Variants in CNTN5 observed in about 807,000 individuals in gnomAD.
CNTN5 encodes contactin 5, also known as contactin-5.
Under a neutral mutation model 129.1 loss-of-function variants are expected in CNTN5, and 77 were observed. That is an observed-to-expected ratio of 0.60 (90% confidence interval 0.50 to 0.72). CNTN5 has a LOEUF of 0.72. Ranked by LOEUF, CNTN5 falls within the 30% of genes least tolerant of loss-of-function variation. The probability of loss-of-function intolerance (pLI) is 0.00; values close to 1 mark genes in which losing one functional copy is unlikely to be tolerated. For synonymous variants in CNTN5, 509 were observed against 465.6 expected (o/e 1.09, Z -1.20); for missense variants, 1,478 against 1,328.8 (o/e 1.11, Z -1.75).
At position 100,283,658 on chromosome 11, in the gene CNTN5, C is replaced by A. The variant is rs573382461; in HGVS notation, c.2314+12417C>A. Among the ~76,000 whole-genome samples the A allele has an allele frequency of 1.5e-4, 23 of 152,194 alleles. No individual in the cohort carries two copies. In the South Asian group the frequency reaches 4.8e-3, roughly 32 times the overall value. ...CTGGCTAGGGATGGTTTAAATATTC[C>A]CTCCGGGCCGGGCGCTGTGGCTCAC... On this transcript the variant is annotated intron_variant, in intron 18 of 24. Coordinates refer to ENST00000524871, the MANE Select transcript of CNTN5 (RefSeq NM_014361.4).
At chr11:99,806,344 G>T (rs1203775534) in intron 3 of CNTN5, among the ~76,000 whole-genome samples, 1 of 152,098 alleles carries the variant, frequency 6.6e-6, no homozygotes, top group African/African-American at 2.4e-5. Flanking sequence ...AATAAATGAA[G>T]TGTGTCAGCT....
chr11:99,742,088 A>G (rs1480911501), intron 3 of CNTN5, among the ~76,000 whole-genome samples: 1 of 152,196 alleles, frequency 6.6e-6, no homozygotes, highest in East Asian at 1.9e-4. Flanking sequence ...GCAACAACAT[A>G]AAGATTAGTC....
At chr11:100,100,960 C>T (rs938491308) in intron 13 of CNTN5, among the ~76,000 whole-genome samples, 11 of 152,048 alleles carry the variant, frequency 7.2e-5, no homozygotes, top group Non-Finnish European at 1.3e-4. Flanking sequence ...ACAATATCTA[C>T]AAATTATCGA....
At chr11:99,751,878 A>G (rs1944247977) in intron 3 of CNTN5, among the ~76,000 whole-genome samples, 1 of 152,158 alleles carries the variant, frequency 6.6e-6, no homozygotes, top group African/African-American at 2.4e-5. Flanking sequence ...ATTATAAAAG[A>G]GGCTTCACAT....
chr11:100,297,306 G>C (rs1033704274), intron 18 of CNTN5, among the ~76,000 whole-genome samples: 3 of 151,284 alleles, frequency 2.0e-5, no homozygotes, highest in African/African-American at 7.3e-5. Flanking sequence ...TAGCAAAGAG[G>C]ATAACAGTGA....
At chr11:99,984,894 C>T (rs1938574856) in intron 8 of CNTN5, among the ~76,000 whole-genome samples, 1 of 152,114 alleles carries the variant, frequency 6.6e-6, no homozygotes, top group African/African-American at 2.4e-5. Flanking sequence ...GTTTACTCGG[C>T]CCACTGTGCT....
chr11:99,197,515 A>G (rs1858963930), intron 1 of CNTN5, among the ~76,000 whole-genome samples: 1 of 152,076 alleles, frequency 6.6e-6, no homozygotes, highest in Non-Finnish European at 1.5e-5. Context: ...TACATGAAAT[A>G]AAGCAAATCA....
chr11:99,641,416 TCCC>T (rs936822814), intron 3 of CNTN5, among the ~76,000 whole-genome samples: 7 of 138,752 alleles, frequency 5.0e-5, no homozygotes, highest in South Asian at 4.7e-4. Flanking sequence ...CCAATCCTCC[TCCC>T]GGCCTGGTTC....
intron 18 of CNTN5, among the ~76,000 whole-genome samples, chr11:100,291,722 G>A (rs1208658769): frequency 2.0e-5 from 3 of 148,808 alleles, no homozygotes; most frequent in African/African-American, 2.5e-5. Flanking sequence ...TGCACAATGT[G>A]CACATGTACC....
chr11:99,393,701 T>C (rs2136193157), intron 2 of CNTN5, among the ~76,000 whole-genome samples: 1 of 151,960 alleles, frequency 6.6e-6, no homozygotes, highest in Admixed American at 6.6e-5. Flanking sequence ...GTTCCTTAAA[T>C]ATTATGGTTG....
At chr11:99,906,296 T>C (rs935867818) in intron 6 of CNTN5, among the ~76,000 whole-genome samples, 6 of 152,198 alleles carry the variant, frequency 3.9e-5, no homozygotes, top group African/African-American at 1.4e-4. Context: ...TCTTATTATT[T>C]TGAGATAAGT....
In CNTN5 at chr11:100,033,087, C is replaced by A. The variant is rs368389395; in HGVS notation, c.981-28125C>A. Among the ~76,000 whole-genome samples, 38 of 152,026 alleles carry A rather than the reference C, an allele frequency of 2.5e-4. No homozygotes were observed. The East Asian group carries it at 6.0e-3, about 24-fold the overall frequency. Reference sequence around the variant, plus strand: ...TTGTGGTATTTCTGTAAGAAAGACTCTTTTTCTATGTAATTTTTAATTTAA... The same window carrying A: ...TTGTGGTATTTCTGTAAGAAAGACTATTTTTCTATGTAATTTTTAATTTAA... On this transcript the variant is annotated intron_variant, in intron 9 of 24. Transcript: ENST00000524871.
chr11:100,283,952 A>T (rs1323220758), intron 18 of CNTN5, among the ~76,000 whole-genome samples: 2 of 152,268 alleles, frequency 1.3e-5, no homozygotes, highest in East Asian at 3.9e-4. Flanking sequence ...TCTCAAAAAA[A>T]TAAAAAATTT....
chr11:99,754,154 G>A (rs1008678422), intron 3 of CNTN5, among the ~76,000 whole-genome samples: 17 of 152,252 alleles, frequency 1.1e-4, no homozygotes, highest in Admixed American at 9.8e-4. Flanking sequence ...ATTGCTTAGC[G>A]TGTGTATCTT....
At chr11:99,730,639 GTTC>G (rs750703972) in intron 3 of CNTN5, among the ~76,000 whole-genome samples, 2 of 152,012 alleles carry the variant, frequency 1.3e-5, no homozygotes, top group African/African-American at 4.8e-5. Context: ...ATTATAATCT[GTTC>G]TTCAATAACA....
intron 2 of CNTN5, among the ~76,000 whole-genome samples, chr11:99,528,604 A>T (rs1565263760): frequency 6.6e-6 from 1 of 152,354 alleles, no homozygotes; most frequent in East Asian, 1.9e-4. Flanking sequence ...CAAATGGGAC[A>T]TTTCTCCATT....
chr11:99,889,272 G>C (rs1948982328), intron 6 of CNTN5, among the ~76,000 whole-genome samples: 1 of 150,724 alleles, frequency 6.6e-6, no homozygotes, highest in South Asian at 2.1e-4. Flanking sequence ...GTCACATTCT[G>C]GTTCCTTTCT....
In CNTN5 at chr11:99,990,144, C is replaced by G. The variant is rs117212469; in HGVS notation, c.878-11890C>G. Reference sequence around the variant, plus strand: ...GTTGCTTTCTTCAGGCCTTACATTTCTAAGATCTATTTCTAAGTTATTGAT... The same window carrying G: ...GTTGCTTTCTTCAGGCCTTACATTTGTAAGATCTATTTCTAAGTTATTGAT... On this transcript the variant is annotated intron_variant, in intron 8 of 24. Coordinates refer to ENST00000524871, the MANE Select transcript of CNTN5 (RefSeq NM_014361.4). 2.1e-4 allele frequency among the ~76,000 whole-genome samples: 32 copies of G among 152,192 alleles called. No homozygotes were observed. In the East Asian group the frequency reaches 6.0e-3, roughly 28 times the overall value.
intron 2 of CNTN5, among the ~76,000 whole-genome samples, chr11:99,546,836 C>T (rs1290054597): frequency 1.5e-4 from 23 of 151,982 alleles, no homozygotes; most frequent in Non-Finnish European, 2.9e-5. Flanking sequence ...CACGCAAAGC[C>T]CATTCTTACG....
Sources: gnomAD v4.1 joint callset for allele counts (sites outside exome capture counted in the v4.1 genomes callset) on GRCh38, gnomAD v4.1.1 for gene constraint, MANE v1.5 for transcripts, NCBI Gene and HGNC (gene_info 2026-07-23, HGNC 2026-07-21) for gene names.